The following DST variants were observed in gnomAD, a reference collection of about 807,000 sequenced individuals.
The protein encoded by DST is bullous pemphigoid antigen.
A neutral mutation model predicts 875.2 loss-of-function variants in DST; 253 were observed. The ratio of observed to expected loss-of-function variants is 0.29; its 90% confidence interval spans 0.26 to 0.32. DST has a LOEUF of 0.32. DST is among the 10% of genes least tolerant of loss of function. The pLI is 1.00. For missense variants in DST, 8,287 were observed against 9,111.6 expected, an observed-to-expected ratio of 0.91 and a Z score of 3.68; for synonymous variants, 3,124 against 3,197.1, an observed-to-expected ratio of 0.98 and a Z score of 0.77.
intron 4 of DST, among the ~76,000 whole-genome samples, chr6:56,792,196 T>C (rs1240401791): frequency 1.3e-5 from 2 of 150,562 alleles, no homozygotes; most frequent in Non-Finnish European, 1.5e-5. Context: ...GAGACAACAA[T>C]GACATTAAAG....
rs756838171 is a variant in DST at position 56,851,622 on chromosome 6, G to C, written c.418-18C>G. On this transcript the variant is annotated intron_variant, in intron 3 of 103. Coordinates refer to ENST00000680361, the MANE Select transcript of DST (RefSeq NM_001374736.1). ...CCGGAACTCTACAGAGAATGACACA[G>C]AAAAAGCATTAACAGCAAAATACTC... The C allele has an allele frequency of 6.2e-7, 1 of 1,610,808 alleles. No homozygotes were observed. The highest frequency in any genetic ancestry group is 8.5e-7 in the Non-Finnish European group (1 of 1,178,156).
intron 4 of DST, among the ~76,000 whole-genome samples, chr6:56,850,381 T>A: frequency 8.4e-6 from 1 of 118,972 alleles, no homozygotes. Flanking sequence ...GAAGAGAAAG[T>A]ACCAACTTTG....
chr6:56,594,428 T>C (rs1444837108), intron 47 of DST, among the ~76,000 whole-genome samples: 1 of 152,206 alleles, frequency 6.6e-6, no homozygotes, highest in African/African-American at 2.4e-5. Context: ...CTCTATGTAC[T>C]TAATCAGATA....
rs1394465496 is a variant in DST, at chr6:56,603,996, T to C, written c.10632A>G (p.Leu3544=). ...CTAGTCCAATTTCTTTTACAGTTTC[T>C]AAATTAGGAGAATAGTAGTTTCCTT... The part of the protein sequence containing the change: ...SKEGNYYSPN[L]ETVKEIGLES... The change falls in exon 40 of 104, where the codon TTA becomes TTG. Residue 3544 remains leucine, a synonymous_variant. Transcript: ENST00000680361. 6.2e-7 allele frequency: 1 copy of C among 1,606,378 alleles called. No homozygotes were observed. Among genetic ancestry groups the C allele is most frequent in the Non-Finnish European group, 8.5e-7 (1 of 1,175,654 alleles).
At chr6:56,945,254 A>T (rs1818825110) in intron 2 of DST, among the ~76,000 whole-genome samples, 1 of 152,180 alleles carries the variant, frequency 6.6e-6, no homozygotes, top group Non-Finnish European at 1.5e-5. Context: ...GGGGAAGGGG[A>T]TGCAGAGAGA....
intron 36 of DST, chr6:56,614,786 T>A (rs2098596190): frequency 9.8e-7 from 1 of 1,024,062 alleles, no homozygotes; most frequent in Non-Finnish European, 1.2e-6. Flanking sequence ...CTAGAAGATC[T>A]TTGAATTGCT....
chr6:56,552,133 A>G, intron 61 of DST, 51 bp downstream of exon 61: 1 of 1,519,314 alleles, frequency 6.6e-7, no homozygotes, highest in Non-Finnish European at 8.8e-7. Context: ...TAAGCAAATT[A>G]GAAACTTCAT....
At position 56,530,061 on chromosome 6, in the gene DST, C is replaced by G; in HGVS notation, c.17181G>C (p.Trp5727Cys). 1.2e-6 allele frequency: 2 copies of G among 1,613,138 alleles called. No individual in the cohort carries two copies. Among genetic ancestry groups the G allele is most frequent in the Non-Finnish European group, 1.7e-6 (2 of 1,179,554 alleles). Reference protein sequence around the residue: ...FHETLEPLNEWLTTIEKRLVN... With the variant: ...FHETLEPLNECLTTIEKRLVN... ...CCAGCCTCTTTTCTATGGTTGTAAG[C>G]CACTCGTTCAGTGGTTCTAAGGTTT... is the stretch of plus-strand genomic sequence containing the variant. Residue 5727 changes from tryptophan to cysteine, a missense_variant, in exon 65 of 104, where the codon TGG becomes TGC. By Grantham distance (215) the Trp-to-Cys change is radical. Coordinates refer to ENST00000680361, the MANE Select transcript of DST (RefSeq NM_001374736.1).
intron 9 of DST, among the ~76,000 whole-genome samples, chr6:56,686,231 T>C (rs1269770647): frequency 3.9e-5 from 6 of 152,220 alleles, no homozygotes; most frequent in Admixed American, 6.5e-5. Context: ...TTCTGACTTA[T>C]CAGTGACAGC....
chr6:56,553,762 G>T, intron 60 of DST, 107 bp from the exon 61 acceptor site: 2 of 1,103,826 alleles, frequency 1.8e-6, no homozygotes, highest in Non-Finnish European at 2.5e-6. Flanking sequence ...TTGTTGAAAA[G>T]CAAGGGCTTT....
At chr6:56,642,879 A>C in intron 15 of DST, 1 of 1,596,190 alleles carries the variant, frequency 6.3e-7, no homozygotes, top group Non-Finnish European at 8.5e-7. Flanking sequence ...TAACGGTGAA[A>C]AGTGGCAGCT....
intron 4 of DST, among the ~76,000 whole-genome samples, chr6:56,811,477 T>C (rs1006381030): frequency 3.9e-5 from 6 of 152,168 alleles, no homozygotes; most frequent in African/African-American, 1.4e-4. Context: ...ACAGAACATG[T>C]TAAGGAAATG....
intron 59 of DST, 30 bp from the exon 60 acceptor site, chr6:56,555,870 T>C: frequency 6.2e-6 from 9 of 1,446,480 alleles, no homozygotes; most frequent in Non-Finnish European, 8.2e-6. Flanking sequence ...CAAACGCAAA[T>C]TATTATATAA....
At chr6:56,693,030 C>G (rs1204412743) in intron 9 of DST, 1 of 1,289,580 alleles carries the variant, frequency 7.8e-7, no homozygotes, top group African/African-American at 1.5e-5. Context: ...TTTTTTTGAT[C>G]GGTTTTCTTC....
At chr6:56,569,751 A>G in intron 54 of DST, 105 bp downstream of exon 54, 1 of 985,028 alleles carries the variant, frequency 1.0e-6, no homozygotes, top group Non-Finnish European at 1.5e-6. Flanking sequence ...TACATATATG[A>G]GGATAAAACT....
In DST at chr6:56,633,000, A is replaced by T; in HGVS notation, c.3659T>A (p.Leu1220Gln). Residue 1220 changes from leucine (L) to glutamine (Q), a missense_variant, in exon 28 of 104, where the codon CTA becomes CAA. Coordinates refer to ENST00000680361, the MANE Select transcript of DST (RefSeq NM_001374736.1). ...TMLPGEHQQV[L>Q]SNLQSRFEDF... ...TTCAAAACGAGATTGTAGATTACTTAGAACTTGCTGATGTTCACCAGGTAG... is the reference window on the plus strand; with the variant it reads ...TTCAAAACGAGATTGTAGATTACTTTGAACTTGCTGATGTTCACCAGGTAG... 1 of 1,614,056 alleles carries T rather than the reference A, an allele frequency of 6.2e-7. No individual in the cohort carries two copies. The highest frequency in any genetic ancestry group is 8.5e-7 in the Non-Finnish European group (1 of 1,179,998).
At chr6:56,596,003 T>TC (rs2098376641) in intron 47 of DST, among the ~76,000 whole-genome samples, 1 of 105,120 alleles carries the variant, frequency 9.5e-6, no homozygotes, top group South Asian at 2.8e-4. Flanking sequence ...TAGGACTTTC[T>TC]TTCTTTTATT....
chr6:56,618,292 C>A (rs1563225720), intron 36 of DST: 1 of 1,614,036 alleles, frequency 6.2e-7, no homozygotes, highest in Middle Eastern at 1.7e-4. Context: ...GTTCTTGAGT[C>A]CATCTCAACA....
At position 56,607,955 on chromosome 6, in the gene DST, C is replaced by T; in HGVS notation, c.6673G>A (p.Asp2225Asn). 1 of 1,613,616 alleles carries T rather than the reference C, an allele frequency of 6.2e-7. No homozygotes were observed. Among genetic ancestry groups the T allele is most frequent in the Non-Finnish European group, 8.5e-7 (1 of 1,179,720 alleles). ...AGCATGCCAACAGCCTCATCCAAGT[C>T]TCCATCGTACAGCAAAAGCCTTTGC... ...TGQRLLLYDG[D>N]LDEAVGMLLE... The change falls in exon 40 of 104, where the codon GAC becomes AAC. Residue 2225 changes from aspartate (D) to asparagine (N), a missense_variant. Asp to Asn is a conservative substitution (Grantham distance 23). Around this residue, in one of 10 missense-constraint regions of DST, gnomAD observed 3,138 missense variants for 3,116.6 expected, o/e 1.01. Coordinates refer to ENST00000680361, the MANE Select transcript of DST (RefSeq NM_001374736.1).
Sources: gnomAD v4.1 joint callset for allele counts (sites outside exome capture counted in the v4.1 genomes callset) on GRCh38, gnomAD v4.1.1 for gene constraint, gnomAD v4.1.1 regional missense constraint, MANE v1.5 for transcripts, NCBI Gene and HGNC (gene_info 2026-07-23, HGNC 2026-07-21) for gene names.